Variants in DCC observed in about 807,000 individuals in gnomAD.
DCC encodes netrin receptor DCC.
In DCC, 58 loss-of-function variants were observed where a neutral mutation model predicts 172.5. That is an observed-to-expected ratio of 0.34 (90% confidence interval 0.27 to 0.42). DCC has a LOEUF of 0.42. DCC is among the 10% of genes least tolerant of loss of function. The pLI is 1.00. For synonymous variants in DCC, 709 were observed against 644.5 expected, an observed-to-expected ratio of 1.10 and a Z score of -1.52; for missense variants, 1,740 against 1,791.0, an observed-to-expected ratio of 0.97 and a Z score of 0.51.
chr18:52,694,130 G>C (rs2035973789), intron 1 of DCC, among the ~76,000 whole-genome samples: 1 of 152,018 alleles, frequency 6.6e-6, no homozygotes, highest in South Asian at 2.1e-4. Flanking sequence ...CACTTCTATG[G>C]AGTTCTTCCC....
chr18:52,713,859 A>G (rs970634839), intron 1 of DCC, among the ~76,000 whole-genome samples: 6 of 152,174 alleles, frequency 3.9e-5, no homozygotes, highest in African/African-American at 1.4e-4. Flanking sequence ...CATAATCAAA[A>G]CACACTCTGT....
intron 12 of DCC, among the ~76,000 whole-genome samples, chr18:53,260,924 C>G (rs1487692189): frequency 6.6e-6 from 1 of 152,126 alleles, no homozygotes; most frequent in African/African-American, 2.4e-5. Context: ...CCCCCAGCCT[C>G]GCTGCCACCT....
intron 5 of DCC, among the ~76,000 whole-genome samples, chr18:52,997,982 G>T (rs1281318872): frequency 1.3e-5 from 2 of 151,966 alleles, no homozygotes; most frequent in Non-Finnish European, 2.9e-5. Context: ...ACCCTTCTGT[G>T]CTGGAAACTA....
chr18:52,407,878 A>G (rs1181382305), intron 1 of DCC, among the ~76,000 whole-genome samples: 2 of 152,084 alleles, frequency 1.3e-5, no homozygotes, highest in Non-Finnish European at 2.9e-5. Context: ...GAGGCCATAT[A>G]TGGAAAGCAA....
intron 27 of DCC, among the ~76,000 whole-genome samples, chr18:53,515,068 G>A (rs1188884819): frequency 6.6e-6 from 1 of 151,966 alleles, no homozygotes; most frequent in Non-Finnish European, 1.5e-5. Context: ...CTGGCAACAC[G>A]AATCCAGCAG....
chr18:53,437,072 A>G (rs1170380043), intron 22 of DCC, among the ~76,000 whole-genome samples: 1 of 152,196 alleles, frequency 6.6e-6, no homozygotes, highest in African/African-American at 2.4e-5. Flanking sequence ...TTAGGTTTCA[A>G]CATAAGAATT....
intron 9 of DCC, among the ~76,000 whole-genome samples, chr18:53,193,343 A>G (rs575831869): frequency 6.6e-6 from 1 of 151,984 alleles, no homozygotes; most frequent in South Asian, 2.1e-4. Flanking sequence ...GGAAGTGTTC[A>G]CTCTTTCCCC....
chr18:52,844,898 T>C (rs562159118), intron 2 of DCC, among the ~76,000 whole-genome samples: 1 of 152,330 alleles, frequency 6.6e-6, no homozygotes, highest in South Asian at 2.1e-4. Flanking sequence ...TGGCTCTGGA[T>C]TTGTGCTTTA....
chr18:52,381,311 T>C (rs1356827850), intron 1 of DCC, among the ~76,000 whole-genome samples: 1 of 152,160 alleles, frequency 6.6e-6, no homozygotes, highest in African/African-American at 2.4e-5. Context: ...TGGTGCAGCA[T>C]TTTAGAAAGA....
chr18:53,301,671 T>C (rs2057143500), intron 12 of DCC, among the ~76,000 whole-genome samples: 1 of 152,130 alleles, frequency 6.6e-6, no homozygotes, highest in African/African-American at 2.4e-5. Flanking sequence ...TTTAGATGTC[T>C]CTTAGTTTAC....
intron 7 of DCC, among the ~76,000 whole-genome samples, chr18:53,069,255 A>C (rs9947891): frequency 0.24 from 37,074 of 152,048 alleles, 4,773 homozygotes; most frequent in East Asian, 0.36. Context: ...ATTAGCTTCC[A>C]AGATGGAGTT....
At chr18:53,212,868 C>T (rs1436455201) in intron 11 of DCC, among the ~76,000 whole-genome samples, 1 of 152,044 alleles carries the variant, frequency 6.6e-6, no homozygotes, top group Non-Finnish European at 1.5e-5. Context: ...GATAGATTTT[C>T]ACCTTATTTG....
chr18:52,415,049 G>A (rs1002915856), intron 1 of DCC, among the ~76,000 whole-genome samples: 4 of 152,170 alleles, frequency 2.6e-5, no homozygotes, highest in Non-Finnish European at 4.4e-5. Context: ...ACTGACATGG[G>A]CTTCCCTGAA....
intron 1 of DCC, among the ~76,000 whole-genome samples, chr18:52,661,102 G>T (rs1555711372): frequency 1.3e-5 from 2 of 152,174 alleles, no homozygotes; most frequent in African/African-American, 4.8e-5. Flanking sequence ...CTGAAAGGTG[G>T]ATGGATAAAT....
rs1250081315 is a variant in DCC at position 52,459,869 on chromosome 18, G to C, written c.91+118991G>C. Among the ~76,000 whole-genome samples the C allele has an allele frequency of 2.0e-5, 3 of 147,148 alleles. No individual in the cohort carries two copies. In the East Asian group the frequency reaches 6.0e-4, roughly 29 times the overall value. The stretch of plus-strand genomic sequence containing the variant: ...AGACATGATCTCATTCTTTTTTATG[G>C]CTGCATAGTATTCATATATATATAT... On this transcript the variant is annotated intron_variant, in intron 1 of 28. Coordinates refer to ENST00000442544, the MANE Select transcript of DCC (RefSeq NM_005215.4).
At chr18:52,641,594 C>G (rs1289399418) in intron 1 of DCC, among the ~76,000 whole-genome samples, 1 of 127,522 alleles carries the variant, frequency 7.8e-6, no homozygotes, top group Non-Finnish European at 1.8e-5. Flanking sequence ...ATATAAATGG[C>G]TAACAAACAT....
At chr18:53,429,502 T>TA (rs1201888234) in intron 21 of DCC, among the ~76,000 whole-genome samples, 1 of 152,060 alleles carries the variant, frequency 6.6e-6, no homozygotes, top group Admixed American at 6.6e-5. Context: ...TAAGGATTTT[T>TA]AAAAAATGAA....
chr18:53,529,215 T>G (rs2046498419), intron 28 of DCC, among the ~76,000 whole-genome samples: 1 of 152,182 alleles, frequency 6.6e-6, no homozygotes, highest in Admixed American at 6.5e-5. Context: ...GCTCATACAT[T>G]AATACCATAC....
At chr18:52,837,997 C>G (rs1438462348) in intron 2 of DCC, among the ~76,000 whole-genome samples, 1 of 152,122 alleles carries the variant, frequency 6.6e-6, no homozygotes, top group Non-Finnish European at 1.5e-5. Flanking sequence ...ATAAAACCAT[C>G]AGATCTCATG....
Sources: gnomAD v4.1 joint callset for allele counts (sites outside exome capture counted in the v4.1 genomes callset) on GRCh38, gnomAD v4.1.1 for gene constraint, MANE v1.5 for transcripts, NCBI Gene and HGNC (gene_info 2026-07-23, HGNC 2026-07-21) for gene names.